KPNA1: variants seen among roughly 807,000 people sequenced by gnomAD.
KPNA1 encodes importin subunit alpha-5.
Under a neutral mutation model 70.5 loss-of-function variants are expected in KPNA1, and 10 were observed. That is an observed-to-expected ratio of 0.14 (90% confidence interval 0.09 to 0.24). The LOEUF (loss-of-function observed/expected upper bound fraction) is 0.24, where lower values mean the gene tolerates loss of function less well. Among genes scored for constraint, KPNA1 ranks in the 10% least tolerant of loss-of-function variants. The probability of loss-of-function intolerance (pLI) is 1.00; values close to 1 mark genes in which losing one functional copy is unlikely to be tolerated. For missense variants in KPNA1, 397 were observed against 637.9 expected, an observed-to-expected ratio of 0.62 and a Z score of 4.07; for synonymous variants, 192 against 221.9, an observed-to-expected ratio of 0.87 and a Z score of 1.20.
At chr3:122,506,439 A>G (rs1002215314) in intron 1 of KPNA1, among the ~76,000 whole-genome samples, 1 of 152,248 alleles carries the variant, frequency 6.6e-6, no homozygotes, top group Non-Finnish European at 1.5e-5. Flanking sequence ...TAGTCAAACG[A>G]TAGTAGGTCC....
chr3:122,434,312 T>G (rs1213486139), intron 11 of KPNA1, among the ~76,000 whole-genome samples: 2 of 152,198 alleles, frequency 1.3e-5, no homozygotes, highest in Non-Finnish European at 1.5e-5. Context: ...AATCTCCTAT[T>G]TTCTCTGAGT....
intron 9 of KPNA1, 102 bp downstream of exon 9, chr3:122,449,472 A>T: frequency 1.1e-6 from 1 of 946,848 alleles, no homozygotes; most frequent in Non-Finnish European, 1.6e-6. Flanking sequence ...AAAGCACAAT[A>T]AATCAATTAT....
chr3:122,457,295 A>G (rs1245932347), intron 5 of KPNA1, among the ~76,000 whole-genome samples: 1 of 152,202 alleles, frequency 6.6e-6, no homozygotes, highest in Non-Finnish European at 1.5e-5. Context: ...GGGAAAGCCT[A>G]GAATTGATGG....
chr3:122,462,677 T>C (rs571968285), intron 4 of KPNA1, among the ~76,000 whole-genome samples: 13 of 152,224 alleles, frequency 8.5e-5, no homozygotes, highest in Admixed American at 1.3e-4. Context: ...AAGTGTACAT[T>C]TCCTTCAAAT....
intron 1 of KPNA1, among the ~76,000 whole-genome samples, chr3:122,513,440 T>C (rs1340873877): frequency 6.6e-6 from 1 of 152,236 alleles, no homozygotes; most frequent in East Asian, 1.9e-4. Context: ...TTTTCATCTC[T>C]TTGATCTTTA....
intron 1 of KPNA1, among the ~76,000 whole-genome samples, chr3:122,500,456 A>G (rs1352655874): frequency 6.6e-6 from 1 of 151,598 alleles, no homozygotes; most frequent in Non-Finnish European, 1.5e-5. Flanking sequence ...TAACCTTACT[A>G]ATTTTTACAA....
intron 9 of KPNA1, among the ~76,000 whole-genome samples, chr3:122,444,172 T>C (rs1187248809): frequency 6.6e-6 from 1 of 151,532 alleles, no homozygotes; most frequent in Non-Finnish European, 1.5e-5. Context: ...AAGAGAAATA[T>C]GATTCTGTTC....
At chr3:122,465,640 G>A (rs546958251) in intron 3 of KPNA1, among the ~76,000 whole-genome samples, 23 of 152,210 alleles carry the variant, frequency 1.5e-4, no homozygotes, top group Non-Finnish European at 2.6e-4. Context: ...GGTGGCTCAC[G>A]CCTGTAATCC....
intron 1 of KPNA1, among the ~76,000 whole-genome samples, chr3:122,503,595 C>A (rs773536476): frequency 6.6e-6 from 1 of 152,146 alleles, no homozygotes; most frequent in Admixed American, 6.5e-5. Flanking sequence ...GTACAATGGA[C>A]ATAATGATAC....
At chr3:122,490,363 C>T (rs377545790) in intron 2 of KPNA1, among the ~76,000 whole-genome samples, 13 of 152,334 alleles carry the variant, frequency 8.5e-5, no homozygotes, top group African/African-American at 3.1e-4. Flanking sequence ...CTTTAGAGAT[C>T]ACTATCTTCC....
chr3:122,499,394 C>T (rs531376991), intron 1 of KPNA1, among the ~76,000 whole-genome samples: 1 of 152,102 alleles, frequency 6.6e-6, no homozygotes, highest in Admixed American at 6.6e-5. Flanking sequence ...TAAAGAGTGT[C>T]AGATTCTGTC....
intron 9 of KPNA1, among the ~76,000 whole-genome samples, chr3:122,445,715 C>T (rs995608225): frequency 6.6e-6 from 1 of 152,120 alleles, no homozygotes; most frequent in Non-Finnish European, 1.5e-5. Flanking sequence ...AATTAAAAGA[C>T]ACAGACTGGC....
At chr3:122,499,349 A>G (rs1405561531) in intron 1 of KPNA1, among the ~76,000 whole-genome samples, 1 of 152,224 alleles carries the variant, frequency 6.6e-6, no homozygotes. Flanking sequence ...CGGGCTGAGA[A>G]GTTCCCTCTT....
chr3:122,489,057 C>CGTGTGTGTGT lies in KPNA1; in HGVS notation c.129+7370_129+7379dup, dbSNP rs34002370. On this transcript the variant is annotated intron_variant, in intron 2 of 13. Coordinates refer to ENST00000344337, the MANE Select transcript of KPNA1 (RefSeq NM_002264.4). ...ACTCGCTTGTGGGTTTTTTTGCGTG[C>CGTGTGTGTGT]GTGTGTGTGTGTGTGTGTGTGTGTG... 6.0e-4 allele frequency among the ~76,000 whole-genome samples: 78 copies of CGTGTGTGTGT among 130,764 alleles called. 1 individual carries two copies. Among genetic ancestry groups the CGTGTGTGTGT allele is most frequent in the Middle Eastern group, 7.5e-3 (2 of 268 alleles). 85.8% of individuals were successfully genotyped at this position (130,764 alleles called of 152,430 possible).
intron 2 of KPNA1, among the ~76,000 whole-genome samples, chr3:122,482,417 A>T (rs1483094128): frequency 6.6e-6 from 1 of 152,210 alleles, no homozygotes; most frequent in Non-Finnish European, 1.5e-5. Flanking sequence ...TGAAAGACCC[A>T]CTACTTTTCA....
At chr3:122,482,570 C>A (rs1157271967) in intron 2 of KPNA1, among the ~76,000 whole-genome samples, 2 of 152,142 alleles carry the variant, frequency 1.3e-5, no homozygotes, top group African/African-American at 4.8e-5. Flanking sequence ...AAACTTTTAT[C>A]TGTAGATGAC....
chr3:122,485,106 G>A (rs1006342108), intron 2 of KPNA1, among the ~76,000 whole-genome samples: 1 of 152,072 alleles, frequency 6.6e-6, no homozygotes, highest in Non-Finnish European at 1.5e-5. Context: ...TAGAGATGGT[G>A]TCTCGCCACC....
At chr3:122,494,274 T>C (rs146304915) in intron 2 of KPNA1, among the ~76,000 whole-genome samples, 48 of 152,344 alleles carry the variant, frequency 3.2e-4, no homozygotes, top group African/African-American at 1.2e-3. Flanking sequence ...AGTTTCAGGT[T>C]ATACATTTAA....
chr3:122,498,889 G>A lies in KPNA1; in HGVS notation c.-5-2319C>T, dbSNP rs1356849595. ...AATCTTCCACTTATTTAAGATAGGA[G>A]CTCTATTTAGATCTTAATTTCTGTC... On this transcript the variant is annotated intron_variant, in intron 1 of 13. Coordinates refer to ENST00000344337, the MANE Select transcript of KPNA1 (RefSeq NM_002264.4). Among the ~76,000 whole-genome samples the A allele has an allele frequency of 3.9e-5, 6 of 152,122 alleles. No individual in the cohort carries two copies. In the East Asian group the frequency reaches 1.2e-3, roughly 29 times the overall value.
Sources: gnomAD v4.1 joint callset for allele counts (sites outside exome capture counted in the v4.1 genomes callset) on GRCh38, gnomAD v4.1.1 for gene constraint, MANE v1.5 for transcripts, NCBI Gene and HGNC (gene_info 2026-07-23, HGNC 2026-07-21) for gene names.